SRD5A2: variants seen among roughly 807,000 people sequenced by gnomAD.
SRD5A2 encodes 3-oxo-5-alpha-steroid 4-dehydrogenase 2.
Under a neutral mutation model 27.4 loss-of-function variants are expected in SRD5A2, and 30 were observed. The ratio of observed to expected loss-of-function variants is 1.10; its 90% CI spans 0.82 to 1.49. SRD5A2 has a LOEUF of 1.49. SRD5A2 is among the 40% of genes most tolerant of loss of function. The pLI, the probability that SRD5A2 is intolerant of heterozygous loss-of-function variation, is 0.00. For synonymous variants in SRD5A2, 141 were observed against 133.6 expected (o/e 1.06, Z -0.38); for missense variants, 348 against 323.4 (o/e 1.08, Z -0.58).
chr2:31,642,862 TACTATTGAC>T, the SRD5A2 span, among the ~76,000 whole-genome samples: 1 of 152,110 alleles, frequency 6.6e-6, no homozygotes, highest in Non-Finnish European at 1.5e-5. Flanking sequence ...CTACTACTGA[TACTATTGAC>T]ACATGCAAAA....
chr2:31,572,359 T>A (rs1255007375), intron 1 of SRD5A2, among the ~76,000 whole-genome samples: 1 of 152,154 alleles, frequency 6.6e-6, no homozygotes, highest in Non-Finnish European at 1.5e-5. Context: ...GGTAGTATGC[T>A]TATTACTGGG....
the SRD5A2 span, among the ~76,000 whole-genome samples, chr2:31,648,749 C>T: frequency 2.0e-5 from 3 of 152,218 alleles, no homozygotes; most frequent in Non-Finnish European, 4.4e-5. Context: ...AACATCATTA[C>T]GAACACGGCT....
rs980816329 is a variant in SRD5A2, at chr2:31,523,146, T to A, written c.*3050A>T. 5 of 213,794 alleles carry A rather than the reference T, an allele frequency of 2.3e-5. No homozygotes were observed. The highest frequency in any genetic ancestry group is 1.8e-4 in the Admixed American group (3 of 17,062). 13.2% of individuals were successfully genotyped at this position (213,794 alleles called of 1,614,324 possible). ...ATAAGGGGGTTTATGACCTGAAACC[T>A]TTTTTCCATGCTGAACACACATGTT... On this transcript the variant is annotated 3_prime_UTR_variant, in exon 5 of 5. Coordinates refer to ENST00000622030, the MANE Select transcript of SRD5A2 (RefSeq NM_000348.4).
chr2:31,622,114 C>A, the SRD5A2 span, among the ~76,000 whole-genome samples: 7 of 152,132 alleles, frequency 4.6e-5, no homozygotes, highest in Admixed American at 2.0e-4. Flanking sequence ...TGATGCTCTC[C>A]TTCCCTCCAC....
chr2:31,624,696 T>C, the SRD5A2 span, among the ~76,000 whole-genome samples: 5 of 152,180 alleles, frequency 3.3e-5, no homozygotes, highest in Non-Finnish European at 7.3e-5. Flanking sequence ...CTCATCCTTT[T>C]TCATGGCCAC....
intron 1 of SRD5A2, among the ~76,000 whole-genome samples, chr2:31,558,660 G>T (rs1337715536): frequency 1.3e-5 from 2 of 152,154 alleles, no homozygotes; most frequent in Non-Finnish European, 2.9e-5. Context: ...CTTAACTACA[G>T]TCATGCATCA....
At chr2:31,565,284 A>G (rs1350167991) in intron 1 of SRD5A2, among the ~76,000 whole-genome samples, 1 of 152,002 alleles carries the variant, frequency 6.6e-6, no homozygotes, top group African/African-American at 2.4e-5. Context: ...ATAGGAACAA[A>G]TAACAGAGAC....
chr2:31,577,507 T>C (rs1666983706), intron 1 of SRD5A2, among the ~76,000 whole-genome samples: 2 of 152,216 alleles, frequency 1.3e-5, no homozygotes, highest in African/African-American at 4.8e-5. Flanking sequence ...CAAAAACCTT[T>C]GACCCTGTGG....
At chr2:31,570,863 A>G (rs182645110) in intron 1 of SRD5A2, among the ~76,000 whole-genome samples, 157 of 152,376 alleles carry the variant, frequency 1.0e-3, no homozygotes, top group African/African-American at 3.5e-3. Flanking sequence ...AACACTGCTG[A>G]AAGAAATCAG....
At chr2:31,616,607 C>T in the SRD5A2 span, among the ~76,000 whole-genome samples, 2 of 152,214 alleles carry the variant, frequency 1.3e-5, no homozygotes, top group Non-Finnish European at 2.9e-5. Flanking sequence ...CCCAATTTCT[C>T]CCATTTGGAA....
intron 1 of SRD5A2, among the ~76,000 whole-genome samples, chr2:31,549,136 G>A (rs1666329059): frequency 8.0e-6 from 1 of 124,968 alleles, no homozygotes; most frequent in South Asian, 2.7e-4. Flanking sequence ...TATTTAAGAT[G>A]GAGTCTCACT....
intron 4 of SRD5A2, among the ~76,000 whole-genome samples, chr2:31,528,975 G>A (rs2148062995): frequency 6.6e-6 from 1 of 152,260 alleles, no homozygotes; most frequent in Non-Finnish European, 1.5e-5. Flanking sequence ...GCCTGGGTCA[G>A]CTAACCCAAG....
At chr2:31,624,554 G>T in the SRD5A2 span, among the ~76,000 whole-genome samples, 1 of 151,694 alleles carries the variant, frequency 6.6e-6, no homozygotes. Flanking sequence ...TCCCCACCCT[G>T]TGTCTAAGTG....
Position 31,580,712 on chromosome 2 carries a change from C to A in SRD5A2, c.189G>T (p.Val63=). ...GCTGCCGGGCGAGGATCCCCGCGGG[C>A]ACCGCGAAGGAAGGCAGCTCCTGCA... The part of the protein sequence containing the change: ...WFLQELPSFA[V]PAGILARQPL... The change falls in exon 1 of 5, where the codon GTG becomes GTT. Residue 63 remains valine, a synonymous_variant. Coordinates refer to ENST00000622030, the MANE Select transcript of SRD5A2 (RefSeq NM_000348.4). 6.2e-7 allele frequency: 1 copy of A among 1,605,362 alleles called. No individual in the cohort carries two copies.
At chr2:31,536,127 C>T (rs1426918009) in intron 1 of SRD5A2, among the ~76,000 whole-genome samples, 2 of 152,172 alleles carry the variant, frequency 1.3e-5, no homozygotes. Flanking sequence ...ATTCACACTC[C>T]AGGAAAGCTT....
Position 31,531,415 on chromosome 2 carries a change from C to G in SRD5A2, c.503G>C (p.Arg168Pro). 1.3e-6 allele frequency: 2 copies of G among 1,599,138 alleles called. No homozygotes were observed. Among genetic ancestry groups the G allele is most frequent in the Non-Finnish European group, 1.7e-6 (2 of 1,172,578 alleles). The change falls in exon 3 of 5, where the codon CGC (arginine) becomes CCC (proline). Residue 168 changes from arginine to proline, a missense_variant. By Grantham distance (103) the Arg-to-Pro change is moderately radical. Coordinates refer to ENST00000622030, the MANE Select transcript of SRD5A2 (RefSeq NM_000348.4). Reference sequence around the variant, plus strand: ...GATTTCTCCAGGCTTCCTGAGCTGGCGCAATATATAGTCACTATGAATGTT... The same window carrying G: ...GATTTCTCCAGGCTTCCTGAGCTGGGGCAATATATAGTCACTATGAATGTT... ...GINIHSDYIL[R>P]QLRKPGEISY...
the SRD5A2 span, among the ~76,000 whole-genome samples, chr2:31,659,046 A>T: frequency 2.6e-5 from 4 of 152,204 alleles, no homozygotes; most frequent in African/African-American, 9.6e-5. Flanking sequence ...GGGATTCAAG[A>T]TTGGTTAACA....
the SRD5A2 span, among the ~76,000 whole-genome samples, chr2:31,637,667 A>G: frequency 6.6e-6 from 1 of 151,906 alleles, no homozygotes; most frequent in Admixed American, 6.6e-5. Context: ...TTTTCTATAC[A>G]CTGTTGCTCA....
chr2:31,621,101 G>C, the SRD5A2 span, among the ~76,000 whole-genome samples: 2 of 151,622 alleles, frequency 1.3e-5, no homozygotes, highest in African/African-American at 4.8e-5. Flanking sequence ...AAGAGATCCT[G>C]TGCATTCTTT....
Sources: gnomAD v4.1 joint callset for allele counts (sites outside exome capture counted in the v4.1 genomes callset) on GRCh38, gnomAD v4.1.1 for gene constraint, MANE v1.5 for transcripts, NCBI Gene and HGNC (gene_info 2026-07-23, HGNC 2026-07-21) for gene names.